The following MCF2L variants were observed in gnomAD, a reference collection of about 807,000 sequenced individuals.
The protein encoded by MCF2L is MCF.2 cell line derived transforming sequence like.
MCF2L carries 97 observed loss-of-function variants against 153.4 expected under a neutral mutation model. The observed-to-expected ratio is 0.63, with a 90% confidence interval of 0.54 to 0.75. The LOEUF is 0.75. Among genes scored for constraint, MCF2L ranks in the 30% least tolerant of loss-of-function variants. MCF2L has a pLI of 0.00. For synonymous variants in MCF2L, 659 were observed against 632.2 expected (o/e 1.04, Z -0.64); for missense variants, 1,347 against 1,495.2 (o/e 0.90, Z 1.64).
intron 2 of MCF2L, among the ~76,000 whole-genome samples, chr13:112,962,716 C>T (rs771594649): frequency 6.6e-6 from 1 of 152,212 alleles, no homozygotes; most frequent in Non-Finnish European, 1.5e-5. Flanking sequence ...TCCCCCCAGG[C>T]TCTGGGAGGG....
chr13:113,064,993 G>C lies in MCF2L; in HGVS notation c.664G>C (p.Gly222Arg). The change falls in exon 7 of 30, where the codon GGG becomes CGG. Residue 222 changes from glycine (G) to arginine (R), a missense_variant. Gly to Arg is a moderately radical substitution (Grantham distance 125). This residue lies in a region of MCF2L where 820 missense variants were observed against 921.2 expected (regional missense o/e 0.89). Coordinates refer to ENST00000535094, the MANE Select transcript of MCF2L (RefSeq NM_001112732.3). The surrounding 1 kb of genome is among the most constrained non-coding windows in gnomAD (Gnocchi z 6.0). ...KQTAQMLQSF[G>R]TELAETELPN... is the part of the protein sequence containing the mutation. ...GACGGCTCAGATGCTGCAGTCCTTC[G>C]GGACCGAGCTGGCTGAAACAGAGCT... The C allele has an allele frequency of 6.2e-7, 1 of 1,613,078 alleles. No individual in the cohort carries two copies. The highest frequency in any genetic ancestry group is 8.5e-7 in the Non-Finnish European group (1 of 1,179,996).
intron 1 of MCF2L, chr13:113,010,252 C>T (rs575199257): frequency 6.6e-6 from 1 of 152,220 alleles, no homozygotes; most frequent in East Asian, 1.9e-4. Flanking sequence ...CGCCCTCCCA[C>T]CCCGCAACAC....
chr13:112,999,167 G>A (rs1351660717), intron 1 of MCF2L, among the ~76,000 whole-genome samples: 1 of 152,208 alleles, frequency 6.6e-6, no homozygotes, highest in Non-Finnish European at 1.5e-5. Context: ...CCCGGCTTGG[G>A]GCCAGACCGC....
intron 2 of MCF2L, among the ~76,000 whole-genome samples, chr13:112,952,999 A>G (rs985157284): frequency 1.3e-5 from 2 of 152,222 alleles, no homozygotes; most frequent in African/African-American, 4.8e-5. Context: ...GTTGGTTCTC[A>G]GAAGGTCTAA....
intron 2 of MCF2L, among the ~76,000 whole-genome samples, chr13:112,913,869 T>TTTAAAGA (rs2081261693): frequency 6.6e-6 from 1 of 152,190 alleles, no homozygotes; most frequent in South Asian, 2.1e-4. Context: ...AGCTCTGTCT[T>TTTAAAGA]CTCAGCACTG....
chr13:112,946,295 A>G (rs1282326487), intron 2 of MCF2L, among the ~76,000 whole-genome samples: 1 of 152,232 alleles, frequency 6.6e-6, no homozygotes, highest in East Asian at 1.9e-4. Context: ...TAAAAAAAAA[A>G]AAACTATAGT....
chr13:112,942,295 GTCTC>G (rs1175240058), intron 2 of MCF2L, among the ~76,000 whole-genome samples: 8 of 152,158 alleles, frequency 5.3e-5, no homozygotes, highest in Non-Finnish European at 4.4e-5. Context: ...GGCGTAAGCT[GTCTC>G]TCTCTCTCCT....
chr13:113,057,419 TTGGGTGCTGAGTGTTGGGCACTGAG>T (rs1389460666), intron 4 of MCF2L, among the ~76,000 whole-genome samples: 3 of 147,266 alleles, frequency 2.0e-5, no homozygotes, highest in South Asian at 4.4e-4. Flanking sequence ...TGCTGTGTGT[TTGGGTGCTGAGTGTTGGGCACTGAG>T]TGGGTGCTGA....
chr13:113,083,029 C>T (rs1047896352), intron 17 of MCF2L, among the ~76,000 whole-genome samples: 3 of 152,214 alleles, frequency 2.0e-5, no homozygotes. Context: ...GGCTGCTTGT[C>T]CCCCGAGCGA....
At chr13:113,006,321 C>T (rs2083691642) in intron 1 of MCF2L, among the ~76,000 whole-genome samples, 1 of 152,222 alleles carries the variant, frequency 6.6e-6, no homozygotes, top group Non-Finnish European at 1.5e-5. Flanking sequence ...CTTGAATTCC[C>T]CGTCTTTAAA....
intron 26 of MCF2L, among the ~76,000 whole-genome samples, chr13:113,093,450 TC>T (rs1437310333): frequency 6.6e-6 from 1 of 152,268 alleles, no homozygotes; most frequent in Non-Finnish European, 1.5e-5. Flanking sequence ...ACAGCAGAGT[TC>T]CGCTTAGCAC....
At chr13:113,086,384 C>A in intron 21 of MCF2L, 135 bp downstream of exon 21, 1 of 1,266,394 alleles carries the variant, frequency 7.9e-7, no homozygotes, top group Non-Finnish European at 1.1e-6. Flanking sequence ...CTGGGGTGGT[C>A]CCTAGATAAG....
At chr13:113,081,340 G>C in intron 16 of MCF2L, 61 bp downstream of exon 16, 1 of 1,483,114 alleles carries the variant, frequency 6.7e-7, no homozygotes, top group Non-Finnish European at 9.1e-7. Context: ...AGCTGGTGGG[G>C]CTTCCTCTGA....
chr13:112,969,621 A>G lies in MCF2L; in HGVS notation c.79+163A>G, dbSNP rs2081973124. 8 of 826,592 alleles carry G rather than the reference A, an allele frequency of 9.7e-6. No individual in the cohort carries two copies. The highest frequency in any genetic ancestry group is 1.2e-5 in the Non-Finnish European group (8 of 684,948). The allele number at this position is 826,592 out of a possible 1,614,324, so 51.2% of individuals were successfully genotyped here. ...TGGTTGGCAGCTGGTGTGTTTTCAGAGGCTGTCGGCGATCGTATGCTGCCC... is the reference window on the plus strand; with the variant it reads ...TGGTTGGCAGCTGGTGTGTTTTCAGGGGCTGTCGGCGATCGTATGCTGCCC... On this transcript the variant is annotated intron_variant, in intron 1 of 29. Transcript: ENST00000535094. The surrounding 1 kb of genome is among the most constrained non-coding windows in gnomAD (Gnocchi z 4.8).
chr13:113,002,054 C>G lies in MCF2L; in HGVS notation c.80-12709C>G, dbSNP rs144359704. On this transcript the variant is annotated intron_variant, in intron 1 of 29. Coordinates refer to ENST00000535094, the MANE Select transcript of MCF2L (RefSeq NM_001112732.3). ...GGGGCGACAGTGCGGGGACGCCGGG[C>G]GGGGGTGGACGTTCTGGGCCCAGCC... The G allele has an allele frequency of 2.1e-5, 30 of 1,399,376 alleles. No individual in the cohort carries two copies. The African/African-American group carries it at 3.4e-4, about 16-fold the overall frequency. The allele number at this position is 1,399,376 out of a possible 1,614,324, so 86.7% of individuals were successfully genotyped here. A position where few individuals can be genotyped will look rare whatever the true frequency, so the allele number is the denominator to read the frequency against.
intron 2 of MCF2L, among the ~76,000 whole-genome samples, chr13:113,015,209 C>T (rs1359059725): frequency 8.5e-5 from 13 of 152,230 alleles, no homozygotes; most frequent in Non-Finnish European, 1.9e-4. Flanking sequence ...ACCTCCCAGG[C>T]CACGCCTCTG....
intron 2 of MCF2L, among the ~76,000 whole-genome samples, chr13:112,918,605 G>C (rs564536446): frequency 1.1e-3 from 171 of 152,344 alleles, no homozygotes; most frequent in African/African-American, 3.9e-3. Context: ...TGGCTCCAAA[G>C]TCAGCTGCCT....
In MCF2L at chr13:113,035,790, G is replaced by A. The variant is rs966114343; in HGVS notation, c.279-9481G>A. ...GTAGGCTCTGGGCTCAGACCCCAGC[G>A]CCCCACTTGTTAGCTGTTTGACCCT... On this transcript the variant is annotated intron_variant, in intron 3 of 29. Transcript: ENST00000535094. This position sits in a 1 kb window ranked among gnomAD's most constrained non-coding sequence, Gnocchi z 4.4. Among the ~76,000 whole-genome samples, 10 of 152,190 alleles carry A rather than the reference G, an allele frequency of 6.6e-5. No individual in the cohort carries two copies. The highest frequency in any genetic ancestry group is 4.1e-4 in the South Asian group (2 of 4,830).
chr13:113,070,323 G>A lies in MCF2L; in HGVS notation c.996+150G>A. 2.0e-6 allele frequency: 1 copy of A among 504,820 alleles called. No homozygotes were observed. The highest frequency in any genetic ancestry group is 3.4e-6 in the Non-Finnish European group (1 of 290,650). The allele number at this position is 504,820 out of a possible 1,614,324, so 31.3% of individuals were successfully genotyped here. On this transcript the variant is annotated intron_variant, in intron 9 of 29. Coordinates refer to ENST00000535094, the MANE Select transcript of MCF2L (RefSeq NM_001112732.3). This position sits in a 1 kb window ranked among gnomAD's most constrained non-coding sequence, Gnocchi z 5.6. Reference sequence around the variant, plus strand: ...AGTCTCCGCTTGCCAGGTGGAGCCTGTGAGATTAAGTCAGGCTGAGCCTTG... The same window carrying A: ...AGTCTCCGCTTGCCAGGTGGAGCCTATGAGATTAAGTCAGGCTGAGCCTTG...
Sources: gnomAD v4.1 joint callset for allele counts (sites outside exome capture counted in the v4.1 genomes callset) on GRCh38, gnomAD v4.1.1 for gene constraint, gnomAD v4.1.1 regional missense constraint, Gnocchi (gnomAD v3.1) non-coding constraint, MANE v1.5 for transcripts, NCBI Gene and HGNC (gene_info 2026-07-23, HGNC 2026-07-21) for gene names.